Variants in GPC5 observed in about 807,000 individuals in gnomAD.
GPC5 encodes glypican-5.
A neutral mutation model predicts 53.9 loss-of-function variants in GPC5; 47 were observed. The ratio of observed to expected loss-of-function variants is 0.87; its 90% confidence interval spans 0.69 to 1.11. The LOEUF (loss-of-function observed/expected upper bound fraction) is 1.11, where lower values mean the gene tolerates loss of function less well. Ranked by LOEUF, GPC5 falls within the 50% of genes most tolerant of loss-of-function variation. The pLI, the probability that GPC5 is intolerant of heterozygous loss-of-function variation, is 0.00. For synonymous variants in GPC5, 286 were observed against 263.3 expected, an observed-to-expected ratio of 1.09 and a Z score of -0.84; for missense variants, 748 against 713.1, an observed-to-expected ratio of 1.05 and a Z score of -0.56.
chr13:91,546,379 C>CA (rs1194638623), intron 2 of GPC5, among the ~76,000 whole-genome samples: 1 of 151,790 alleles, frequency 6.6e-6, no homozygotes, highest in Non-Finnish European at 1.5e-5. Flanking sequence ...ATTAGATATG[C>CA]AAAAAAGGCC....
chr13:92,759,088 C>G (rs770259382), intron 7 of GPC5, among the ~76,000 whole-genome samples: 2 of 140,404 alleles, frequency 1.4e-5, no homozygotes, highest in Non-Finnish European at 3.0e-5. Context: ...CTACTCTATC[C>G]CACTGGTCCA....
chr13:91,474,002 T>A (rs1882784845), intron 2 of GPC5, among the ~76,000 whole-genome samples: 1 of 152,174 alleles, frequency 6.6e-6, no homozygotes, highest in Non-Finnish European at 1.5e-5. Flanking sequence ...TATATTAAAT[T>A]TGAAATGCAT....
intron 7 of GPC5, among the ~76,000 whole-genome samples, chr13:92,418,398 G>C (rs1832044092): frequency 6.6e-6 from 1 of 152,242 alleles, no homozygotes; most frequent in African/African-American, 2.4e-5. Flanking sequence ...TCACGTTATT[G>C]AGGTTTAATA....
intron 7 of GPC5, among the ~76,000 whole-genome samples, chr13:92,387,964 C>A (rs1283374916): frequency 6.6e-6 from 1 of 152,040 alleles, no homozygotes; most frequent in Non-Finnish European, 1.5e-5. Flanking sequence ...CCAATGCAGC[C>A]TGTATTTTAT....
In GPC5 at chr13:92,628,264, C is replaced by CTTTTTTTTTTTTTTTTTTTTTTTT. The variant is rs71123419; in HGVS notation, c.1562-238012_1562-237989dup. Among the ~76,000 whole-genome samples, 151 of 45,356 alleles carry CTTTTTTTTTTTTTTTTTTTTTTTT rather than the reference C, an allele frequency of 3.3e-3. 37 individuals are homozygous for CTTTTTTTTTTTTTTTTTTTTTTTT. The highest frequency in any genetic ancestry group is 3.7e-3 in the Non-Finnish European group (86 of 23,118). The allele number at this position is 45,356 out of a possible 152,430, so 29.8% of individuals were successfully genotyped here. Reference sequence around the variant, plus strand: ...TTTTCTTTTCTTTTTCTTTTTCTTTCTTTTTTTTTTTTTTTTTTTTTTTTT... The same window carrying CTTTTTTTTTTTTTTTTTTTTTTTT: ...TTTTCTTTTCTTTTTCTTTTTCTTTCTTTTTTTTTTTTTTTTTTTTTTTTTTTTTTTTTTTTTTTTTTTTTTTTT... On this transcript the variant is annotated intron_variant, in intron 7 of 7. Coordinates refer to ENST00000377067, the MANE Select transcript of GPC5 (RefSeq NM_004466.6).
chr13:91,841,591 C>G (rs1337184496), intron 5 of GPC5, among the ~76,000 whole-genome samples: 1 of 151,562 alleles, frequency 6.6e-6, no homozygotes. Flanking sequence ...TCAGCTTTAA[C>G]AAGGTGGCCA....
intron 5 of GPC5, among the ~76,000 whole-genome samples, chr13:91,827,940 T>C (rs1018633051): frequency 1.3e-5 from 2 of 151,916 alleles, no homozygotes; most frequent in African/African-American, 4.8e-5. Context: ...AATGGAAATA[T>C]CCATCAACAG....
intron 7 of GPC5, among the ~76,000 whole-genome samples, chr13:92,573,154 A>C (rs1258534914): frequency 6.6e-6 from 1 of 152,160 alleles, no homozygotes; most frequent in African/African-American, 2.4e-5. Flanking sequence ...CTCTCCCTCA[A>C]ACTTTCACTA....
At chr13:92,385,519 C>CATATATACATATATACAT in intron 7 of GPC5, among the ~76,000 whole-genome samples, 1 of 74,148 alleles carries the variant, frequency 1.3e-5, no homozygotes, top group South Asian at 4.3e-4. Context: ...TATATACATA[C>CATATATACATATATACAT]ATATGCATAT....
At chr13:92,073,771 G>T (rs2041231556) in intron 6 of GPC5, among the ~76,000 whole-genome samples, 1 of 152,148 alleles carries the variant, frequency 6.6e-6, no homozygotes, top group Non-Finnish European at 1.5e-5. Flanking sequence ...TTGTAGCCCT[G>T]TATGGTTTCG....
At chr13:91,639,558 A>C (rs1428418601) in intron 2 of GPC5, among the ~76,000 whole-genome samples, 1 of 152,170 alleles carries the variant, frequency 6.6e-6, no homozygotes, top group Non-Finnish European at 1.5e-5. Context: ...GAGTCTAAGA[A>C]CTTACTCTAA....
At chr13:92,628,248 C>CTTTTTTT (rs1885110453) in intron 7 of GPC5, among the ~76,000 whole-genome samples, 1 of 63,812 alleles carries the variant, frequency 1.6e-5, no homozygotes, top group Admixed American at 1.5e-4. Flanking sequence ...ATTTTCTTTT[C>CTTTTTTT]TTTTTCTTTT....
chr13:92,303,288 T>G (rs1001684524), intron 7 of GPC5, among the ~76,000 whole-genome samples: 4 of 152,090 alleles, frequency 2.6e-5, no homozygotes, highest in Admixed American at 6.6e-5. Flanking sequence ...GTCTAAAGGG[T>G]GCCTGAGTTT....
intron 2 of GPC5, among the ~76,000 whole-genome samples, chr13:91,677,452 C>T (rs2035409899): frequency 6.6e-6 from 1 of 152,070 alleles, no homozygotes; most frequent in Non-Finnish European, 1.5e-5. Context: ...TACAATTGGG[C>T]ACTGAGAAAG....
intron 3 of GPC5, among the ~76,000 whole-genome samples, chr13:91,727,626 A>T (rs536237662): frequency 9.8e-5 from 15 of 152,330 alleles, no homozygotes; most frequent in Admixed American, 8.5e-4. Context: ...TATAACTTTA[A>T]GGGAACTTTG....
intron 7 of GPC5, among the ~76,000 whole-genome samples, chr13:92,774,018 C>G (rs1875704717): frequency 6.6e-6 from 1 of 152,190 alleles, no homozygotes. Flanking sequence ...GACTTATTCA[C>G]TATCACAAGA....
intron 7 of GPC5, among the ~76,000 whole-genome samples, chr13:92,304,298 G>C (rs922914031): frequency 3.3e-5 from 5 of 151,568 alleles, no homozygotes. Flanking sequence ...TCCACCTCCT[G>C]GGTTCACATC....
chr13:91,411,438 C>T (rs1388156970), intron 1 of GPC5, among the ~76,000 whole-genome samples: 1 of 152,202 alleles, frequency 6.6e-6, no homozygotes, highest in Admixed American at 6.5e-5. Flanking sequence ...TTCAGAAGGC[C>T]TCTCCACCCT....
intron 4 of GPC5, among the ~76,000 whole-genome samples, chr13:91,747,759 G>A (rs962918348): frequency 5.3e-5 from 8 of 151,620 alleles, no homozygotes; most frequent in Non-Finnish European, 1.5e-5. Context: ...ATTCAACTTT[G>A]ATTAATCAAA....
Sources: gnomAD v4.1 joint callset for allele counts (sites outside exome capture counted in the v4.1 genomes callset) on GRCh38, gnomAD v4.1.1 for gene constraint, MANE v1.5 for transcripts, NCBI Gene and HGNC (gene_info 2026-07-23, HGNC 2026-07-21) for gene names.